The following RALGAPA1 variants were observed in gnomAD, a reference collection of about 807,000 sequenced individuals.
The protein encoded by RALGAPA1 is Ral GTPase activating protein catalytic subunit alpha 1.
Under a neutral mutation model 269.6 loss-of-function variants are expected in RALGAPA1, and 52 were observed. The ratio of observed to expected loss-of-function variants is 0.19; its 90% confidence interval spans 0.15 to 0.24. The LOEUF is 0.24. Among genes scored for constraint, RALGAPA1 ranks in the 10% least tolerant of loss-of-function variants. RALGAPA1 has a pLI of 1.00. For missense variants in RALGAPA1, 1,917 were observed against 3,013.9 expected, an observed-to-expected ratio of 0.64 and a Z score of 8.52; for synonymous variants, 817 against 1,008.3, an observed-to-expected ratio of 0.81 and a Z score of 3.60.
intron 1 of RALGAPA1, among the ~76,000 whole-genome samples, chr14:35,778,432 G>C (rs1164450010): frequency 2.0e-5 from 3 of 152,088 alleles, no homozygotes; most frequent in African/African-American, 7.2e-5. Context: ...AGGGATATAT[G>C]CCTTTCCTCT....
intron 37 of RALGAPA1, among the ~76,000 whole-genome samples, chr14:35,575,056 A>G (rs1410079590): frequency 3.3e-5 from 5 of 151,596 alleles, no homozygotes; most frequent in African/African-American, 1.2e-4. Context: ...TGAACCTGGG[A>G]GGCAGAAGTT....
chr14:35,690,167 TG>T (rs2066357012), intron 17 of RALGAPA1, among the ~76,000 whole-genome samples, 164 bp from the exon 18 acceptor site: 1 of 151,792 alleles, frequency 6.6e-6, no homozygotes, highest in South Asian at 2.1e-4. Flanking sequence ...AAAAAAATGA[TG>T]GGCACAAGCC....
chr14:35,723,791 A>C (rs2069651085), intron 14 of RALGAPA1: 1 of 152,198 alleles, frequency 6.6e-6, no homozygotes, highest in Admixed American at 6.5e-5. Flanking sequence ...ACAAATTAAA[A>C]GCATTCTGTA....
At chr14:35,717,278 G>A (rs1169933770) in intron 16 of RALGAPA1, among the ~76,000 whole-genome samples, 1 of 152,118 alleles carries the variant, frequency 6.6e-6, no homozygotes, top group African/African-American at 2.4e-5. Flanking sequence ...AGCCTCCCGA[G>A]TAGCTGGGAT....
At chr14:35,681,073 G>A (rs1253178818) in intron 21 of RALGAPA1, among the ~76,000 whole-genome samples, 2 of 151,404 alleles carry the variant, frequency 1.3e-5, no homozygotes, top group Non-Finnish European at 2.9e-5. Context: ...GATTTCTTTC[G>A]TAGTTTCTGA....
Position 35,627,658 on chromosome 14 carries a change from C to T in RALGAPA1, c.6289G>A (p.Ala2097Thr), listed in dbSNP as rs187377538. ...GGGLSAGLAS[A>T]NSNVRIIVRD... ...ACTATGATTCTGACATTTGAATTGG[C>T]TGATGCAAGGCCAGCAGATAAACCT... Residue 2097 changes from alanine (A) to threonine (T), a missense_variant, in exon 34 of 42, where the codon GCC (alanine) becomes ACC (threonine). Coordinates refer to ENST00000680220, the MANE Select transcript of RALGAPA1 (RefSeq NM_001346249.2). The T allele has an allele frequency of 1.9e-6, 3 of 1,581,566 alleles. No homozygotes were observed. Among genetic ancestry groups the T allele is most frequent in the East Asian group, 2.2e-5 (1 of 44,724 alleles).
chr14:35,675,120 T>C (rs1018239928), intron 22 of RALGAPA1, among the ~76,000 whole-genome samples: 6 of 152,212 alleles, frequency 3.9e-5, no homozygotes, highest in African/African-American at 1.4e-4. Flanking sequence ...GAAGTCTTCC[T>C]AAGCCTTTTC....
intron 1 of RALGAPA1, among the ~76,000 whole-genome samples, chr14:35,796,833 T>C (rs1417738575): frequency 6.6e-6 from 1 of 151,594 alleles, no homozygotes; most frequent in Non-Finnish European, 1.5e-5. Flanking sequence ...TAGGCTGGAG[T>C]GCAGTGGCAC....
intron 41 of RALGAPA1, among the ~76,000 whole-genome samples, chr14:35,541,202 C>T (rs993996036): frequency 8.6e-5 from 13 of 151,916 alleles, no homozygotes; most frequent in South Asian, 4.2e-4. Flanking sequence ...CGCACCACCA[C>T]GCCCGGCTAA....
At chr14:35,551,624 A>C (rs1024071826) in intron 39 of RALGAPA1, among the ~76,000 whole-genome samples, 1 of 152,196 alleles carries the variant, frequency 6.6e-6, no homozygotes, top group Non-Finnish European at 1.5e-5. Context: ...AGGCAGAAAG[A>C]AAGCAAATGT....
At chr14:35,601,969 C>G (rs1331887349) in intron 36 of RALGAPA1, among the ~76,000 whole-genome samples, 1 of 152,146 alleles carries the variant, frequency 6.6e-6, no homozygotes, top group African/African-American at 2.4e-5. Context: ...TGTCACCCCC[C>G]TCCTCCCTCA....
At chr14:35,739,735 C>T (rs1157429882) in intron 11 of RALGAPA1, among the ~76,000 whole-genome samples, 2 of 152,134 alleles carry the variant, frequency 1.3e-5, no homozygotes, top group Non-Finnish European at 2.9e-5. Flanking sequence ...TACCGCTGTC[C>T]TAGATCAGGT....
At chr14:35,679,211 T>C (rs990783727) in intron 21 of RALGAPA1, among the ~76,000 whole-genome samples, 1 of 152,232 alleles carries the variant, frequency 6.6e-6, no homozygotes, top group Admixed American at 6.5e-5. Context: ...AGTAGGTCTT[T>C]TTATTTTAAG....
At chr14:35,687,228 T>C (rs1388372707) in intron 18 of RALGAPA1, among the ~76,000 whole-genome samples, 2 of 152,210 alleles carry the variant, frequency 1.3e-5, no homozygotes, top group East Asian at 3.8e-4. Context: ...CCAAAATAGT[T>C]ATTTTGATTT....
intron 12 of RALGAPA1, among the ~76,000 whole-genome samples, chr14:35,728,750 C>G (rs1224346597): frequency 7.2e-6 from 1 of 138,682 alleles, no homozygotes; most frequent in Non-Finnish European, 1.6e-5. Flanking sequence ...TTTTTTTTTT[C>G]GAGACAGAGT....
intron 10 of RALGAPA1, 126 bp from the exon 11 acceptor site, chr14:35,742,691 A>G (rs1247989019): frequency 1.4e-6 from 1 of 696,272 alleles, no homozygotes; most frequent in South Asian, 1.7e-5. Context: ...AAACAATGAC[A>G]TAAAACAAAA....
intron 16 of RALGAPA1, among the ~76,000 whole-genome samples, chr14:35,701,299 T>C (rs925491834): frequency 4.6e-5 from 7 of 152,216 alleles, no homozygotes; most frequent in African/African-American, 1.7e-4. Flanking sequence ...TCCAGTGTAA[T>C]AGTAATGGTG....
At chr14:35,609,720 C>T (rs761369048) in intron 35 of RALGAPA1, among the ~76,000 whole-genome samples, 12 of 151,840 alleles carry the variant, frequency 7.9e-5, no homozygotes, top group Non-Finnish European at 1.5e-4. Context: ...CCCAGGAGTT[C>T]GAGACCAGCC....
intron 26 of RALGAPA1, among the ~76,000 whole-genome samples, chr14:35,667,417 A>C (rs1289289045): frequency 1.3e-5 from 2 of 152,126 alleles, no homozygotes; most frequent in Middle Eastern, 3.2e-3. Context: ...AACAACAACA[A>C]AACTTAACTG....
Sources: allele counts gnomAD v4.1 joint callset (sites outside exome capture counted in the v4.1 genomes callset), GRCh38; gene constraint gnomAD v4.1.1; transcripts MANE v1.5; gene names NCBI Gene and HGNC (gene_info 2026-07-23, HGNC 2026-07-21).